The following CTNNA3 variants were observed in gnomAD, a reference collection of about 807,000 sequenced individuals.
The protein encoded by CTNNA3 is catenin alpha 3, also known as catenin alpha-3.
CTNNA3 carries 76 observed loss-of-function variants against 95.7 expected under a neutral mutation model. The observed-to-expected ratio is 0.79, with a 90% CI of 0.66 to 0.96. The LOEUF (loss-of-function observed/expected upper bound fraction) is 0.96. Ranked by LOEUF, CTNNA3 falls within the 40% of genes least tolerant of loss-of-function variation. The pLI is 0.00. For missense variants in CTNNA3, 1,191 were observed against 1,089.8 expected, an observed-to-expected ratio of 1.09 and a Z score of -1.31; for synonymous variants, 431 against 374.4, an observed-to-expected ratio of 1.15 and a Z score of -1.74.
chr10:66,031,611 C>T (rs921807098), intron 15 of CTNNA3, among the ~76,000 whole-genome samples: 3 of 152,076 alleles, frequency 2.0e-5, no homozygotes, highest in African/African-American at 7.2e-5. Context: ...CTACTGGGTA[C>T]CATACTAACT....
At chr10:67,201,476 T>C (rs1863645722) in intron 6 of CTNNA3, among the ~76,000 whole-genome samples, 3 of 152,204 alleles carry the variant, frequency 2.0e-5, no homozygotes, top group Non-Finnish European at 4.4e-5. Flanking sequence ...ATTTTTTTAT[T>C]ATTATACTTT....
At chr10:67,564,234 A>G (rs112089404) in intron 3 of CTNNA3, among the ~76,000 whole-genome samples, 2 of 149,552 alleles carry the variant, frequency 1.3e-5, no homozygotes, top group East Asian at 1.9e-4. Context: ...CAAAGACTTG[A>G]AACCAACCCA....
intron 13 of CTNNA3, among the ~76,000 whole-genome samples, chr10:66,274,902 A>G (rs894855108): frequency 6.6e-6 from 1 of 151,992 alleles, no homozygotes; most frequent in Non-Finnish European, 1.5e-5. Flanking sequence ...GGTGTTTTTA[A>G]TTTTTTTAAT....
intron 11 of CTNNA3, among the ~76,000 whole-genome samples, chr10:66,454,109 A>T (rs528048273): frequency 1.3e-5 from 2 of 152,282 alleles, no homozygotes; most frequent in Admixed American, 6.5e-5. Flanking sequence ...GAAAGAGGCC[A>T]AGAGCCAAGG....
intron 11 of CTNNA3, among the ~76,000 whole-genome samples, chr10:66,465,236 C>T (rs1316966097): frequency 6.6e-6 from 1 of 152,098 alleles, no homozygotes; most frequent in Non-Finnish European, 1.5e-5. Context: ...GATCACCAAA[C>T]CTAATGAGTG....
At chr10:66,674,201 G>A (rs1846765216) in intron 9 of CTNNA3, among the ~76,000 whole-genome samples, 1 of 151,940 alleles carries the variant, frequency 6.6e-6, no homozygotes, top group South Asian at 2.1e-4. Flanking sequence ...CTGACATATG[G>A]GATAACTCCT....
intron 8 of CTNNA3, among the ~76,000 whole-genome samples, chr10:66,767,255 G>C (rs892657059): frequency 1.3e-5 from 2 of 151,944 alleles, no homozygotes; most frequent in African/African-American, 4.8e-5. Flanking sequence ...AGAACAGCCT[G>C]GCCAACATGG....
intron 9 of CTNNA3, among the ~76,000 whole-genome samples, chr10:66,748,495 T>C (rs146392580): frequency 1.2e-3 from 179 of 152,312 alleles, no homozygotes; most frequent in African/African-American, 4.3e-3. Context: ...TCCTGGAGTT[T>C]CTATGTTTAA....
intron 11 of CTNNA3, among the ~76,000 whole-genome samples, chr10:66,399,111 A>G (rs1307095850): frequency 6.6e-6 from 1 of 152,000 alleles, no homozygotes; most frequent in Non-Finnish European, 1.5e-5. Flanking sequence ...GCTTAAGGTT[A>G]GATGTAAAAT....
At chr10:66,094,434 C>T (rs1374712172) in intron 14 of CTNNA3, among the ~76,000 whole-genome samples, 1 of 152,010 alleles carries the variant, frequency 6.6e-6, no homozygotes, top group Non-Finnish European at 1.5e-5. Flanking sequence ...TTGGAAATAT[C>T]ACAGGAGCTT....
At chr10:67,431,559 TATGTAGATAC>T (rs1846113423) in intron 5 of CTNNA3, among the ~76,000 whole-genome samples, 1 of 151,916 alleles carries the variant, frequency 6.6e-6, no homozygotes, top group African/African-American at 2.4e-5. Context: ...TACTTTTAAC[TATGTAGATAC>T]GGGTACAAAA....
intron 9 of CTNNA3, among the ~76,000 whole-genome samples, chr10:66,714,850 A>G (rs1848403702): frequency 6.6e-6 from 1 of 152,128 alleles, no homozygotes; most frequent in Non-Finnish European, 1.5e-5. Context: ...TGCTTGCTTA[A>G]AACTTCTTTA....
At position 66,043,861 on chromosome 10, in the gene CTNNA3, C is replaced by T. The variant is rs141642788; in HGVS notation, c.2159+25447G>A. ...AACTGACGCTCCTGAAATCTTGAAT[C>T]TGCCTTTTCTAATATTATTTTGTAG... On this transcript the variant is annotated intron_variant, in intron 15 of 17. Coordinates refer to ENST00000433211, the MANE Select transcript of CTNNA3 (RefSeq NM_013266.4). Among the ~76,000 whole-genome samples the T allele has an allele frequency of 1.2e-3, 177 of 152,224 alleles. No homozygotes were observed. The Middle Eastern group carries it at 0.017, about 15-fold the overall frequency.
At chr10:67,477,160 TAA>T (rs1224693386) in intron 5 of CTNNA3, among the ~76,000 whole-genome samples, 1 of 152,008 alleles carries the variant, frequency 6.6e-6, no homozygotes, top group African/African-American at 2.4e-5. Flanking sequence ...TTTCCTGGAC[TAA>T]GAGTTTAGGC....
In CTNNA3 at chr10:67,121,272, T is replaced by C. The variant is rs143485850; in HGVS notation, c.1047+59045A>G. On this transcript the variant is annotated intron_variant, in intron 7 of 17. Transcript: ENST00000433211. ...TGTTAACAGTGTCTCAGTGTAAGCA[T>C]TGTTGTAGTTATCAGCTTTGTAAGA... Among the ~76,000 whole-genome samples, 173 of 152,126 alleles carry C rather than the reference T, an allele frequency of 1.1e-3. 1 individual carries two copies. Among genetic ancestry groups the C allele is most frequent in the African/African-American group, 4.0e-3 (167 of 41,526 alleles).
At chr10:67,072,177 C>T (rs932837894) in intron 7 of CTNNA3, among the ~76,000 whole-genome samples, 1 of 152,166 alleles carries the variant, frequency 6.6e-6, no homozygotes. Context: ...TGGTCTCGAA[C>T]TGCTGGCCTC....
chr10:67,107,613 CA>C (rs1260592990), intron 7 of CTNNA3, among the ~76,000 whole-genome samples: 1 of 152,088 alleles, frequency 6.6e-6, no homozygotes, highest in Non-Finnish European at 1.5e-5. Context: ...GAATATTAAC[CA>C]GAATTTTTAT....
At chr10:65,984,435 T>C (rs1210662476) in intron 16 of CTNNA3, among the ~76,000 whole-genome samples, 3 of 151,380 alleles carry the variant, frequency 2.0e-5, no homozygotes, top group Admixed American at 6.6e-5. Flanking sequence ...ACAAAAGTAA[T>C]TCATCTGAAA....
At chr10:66,116,035 A>G (rs2082329430) in intron 13 of CTNNA3, among the ~76,000 whole-genome samples, 1 of 152,234 alleles carries the variant, frequency 6.6e-6, no homozygotes, top group Non-Finnish European at 1.5e-5. Context: ...TATATAAAAT[A>G]GAAAACTAGA....
Sources: allele counts gnomAD v4.1 joint callset (sites outside exome capture counted in the v4.1 genomes callset), GRCh38; gene constraint gnomAD v4.1.1; transcripts MANE v1.5; gene names NCBI Gene and HGNC (gene_info 2026-07-23, HGNC 2026-07-21).